The following GLIS3 variants were observed in gnomAD, a reference collection of about 807,000 sequenced individuals.
The protein encoded by GLIS3 is zinc finger protein GLIS3.
A neutral mutation model predicts 78.6 loss-of-function variants in GLIS3; 53 were observed. That is an observed-to-expected ratio of 0.67 (90% CI 0.54 to 0.85). The LOEUF (loss-of-function observed/expected upper bound fraction) is 0.85, where lower values mean the gene tolerates loss of function less well. Among genes scored for constraint, GLIS3 ranks in the 40% least tolerant of loss-of-function variants. The pLI, the probability that GLIS3 is intolerant of heterozygous loss-of-function variation, is 0.00. For missense variants in GLIS3, 1,703 were observed against 1,231.1 expected (o/e 1.38, Z -5.74); for synonymous variants, 684 against 509.9 (o/e 1.34, Z -4.60).
intron 2 of GLIS3, among the ~76,000 whole-genome samples, chr9:4,212,493 C>T (rs1409099433): frequency 1.3e-5 from 2 of 152,136 alleles, no homozygotes; most frequent in Non-Finnish European, 2.9e-5. Flanking sequence ...GGGTTACAGA[C>T]ACATAAGCAG....
the GLIS3 span, among the ~76,000 whole-genome samples, chr9:4,387,168 A>G: frequency 1.3e-5 from 2 of 152,224 alleles, no homozygotes; most frequent in Admixed American, 6.5e-5. Flanking sequence ...GCAGCAGGAA[A>G]AAAACAAAAC....
the GLIS3 span, among the ~76,000 whole-genome samples, chr9:4,424,861 A>AT: frequency 0.013 from 1,850 of 140,344 alleles, 32 homozygotes; most frequent in African/African-American, 0.042. Flanking sequence ...TGCCCAGCCC[A>AT]TTTTTTTTTT....
chr9:4,136,627 A>G (rs936496703), intron 2 of GLIS3, among the ~76,000 whole-genome samples: 1 of 152,222 alleles, frequency 6.6e-6, no homozygotes, highest in African/African-American at 2.4e-5. Context: ...AGAAAAGAAT[A>G]AGCTAAAACA....
chr9:4,063,716 C>T (rs916648535), intron 4 of GLIS3, among the ~76,000 whole-genome samples: 1 of 152,060 alleles, frequency 6.6e-6, no homozygotes, highest in African/African-American at 2.4e-5. Context: ...AAAGGATTAC[C>T]TAGAACATCT....
the GLIS3 span, among the ~76,000 whole-genome samples, chr9:4,403,937 T>C: frequency 6.6e-6 from 1 of 152,080 alleles, no homozygotes; most frequent in Admixed American, 6.6e-5. Flanking sequence ...AGTGACTGAA[T>C]GGATGAGAAA....
intron 2 of GLIS3, among the ~76,000 whole-genome samples, chr9:4,224,721 G>A (rs200769065): frequency 5.6e-5 from 8 of 141,906 alleles, no homozygotes; most frequent in East Asian, 4.1e-4. Context: ...ATCTTTTTCT[G>A]TTTTTTTTTT....
intron 9 of GLIS3, among the ~76,000 whole-genome samples, chr9:3,829,836 C>T (rs1817946080): frequency 6.6e-6 from 1 of 152,168 alleles, no homozygotes; most frequent in Non-Finnish European, 1.5e-5. Flanking sequence ...CTCCCGTCGG[C>T]ATTTAAATGC....
At chr9:4,416,377 G>C in the GLIS3 span, among the ~76,000 whole-genome samples, 4 of 150,586 alleles carry the variant, frequency 2.7e-5, no homozygotes, top group Non-Finnish European at 5.9e-5. Flanking sequence ...CTTACTGTTG[G>C]TTATAAATGT....
intron 4 of GLIS3, among the ~76,000 whole-genome samples, chr9:4,066,758 T>G (rs1248210309): frequency 6.6e-6 from 1 of 152,208 alleles, no homozygotes; most frequent in African/African-American, 2.4e-5. Flanking sequence ...CACTGCAAGG[T>G]GAAGTGGAAG....
chr9:3,917,838 A>C (rs1438545820), intron 6 of GLIS3, among the ~76,000 whole-genome samples: 6 of 152,158 alleles, frequency 3.9e-5, no homozygotes, highest in Admixed American at 1.3e-4. Context: ...ACCCACATTG[A>C]CATATAATGG....
the GLIS3 span, among the ~76,000 whole-genome samples, chr9:4,471,083 C>A: frequency 2.6e-5 from 4 of 152,056 alleles, no homozygotes; most frequent in African/African-American, 9.7e-5. Flanking sequence ...GAACTACAAA[C>A]CACTGCTCAA....
chr9:3,865,990 G>A (rs1011313845), intron 8 of GLIS3, among the ~76,000 whole-genome samples: 6 of 152,208 alleles, frequency 3.9e-5, no homozygotes, highest in Non-Finnish European at 5.9e-5. Flanking sequence ...AGAAACTGAC[G>A]TCAGTGTCTC....
chr9:4,360,844 T>C, the GLIS3 span, among the ~76,000 whole-genome samples: 3 of 152,180 alleles, frequency 2.0e-5, no homozygotes, highest in African/African-American at 7.2e-5. Flanking sequence ...GCCATGTGCA[T>C]TTGGGAATGA....
At chr9:4,142,497 T>A (rs1201873798) in intron 2 of GLIS3, among the ~76,000 whole-genome samples, 2 of 152,176 alleles carry the variant, frequency 1.3e-5, no homozygotes, top group East Asian at 3.8e-4. Context: ...TCCAGGTGAA[T>A]CAAATTATAA....
At chr9:4,254,852 A>G (rs1212383896) in intron 2 of GLIS3, among the ~76,000 whole-genome samples, 1 of 152,018 alleles carries the variant, frequency 6.6e-6, no homozygotes, top group Non-Finnish European at 1.5e-5. Flanking sequence ...AAAAAAAAAA[A>G]AAAGAAAAAA....
intron 6 of GLIS3, among the ~76,000 whole-genome samples, chr9:3,920,947 A>G (rs1191273501): frequency 2.6e-5 from 4 of 152,082 alleles, no homozygotes; most frequent in Non-Finnish European, 5.9e-5. Flanking sequence ...AAGCTCAGTG[A>G]TGTCCTTAGA....
At chr9:4,338,304 T>A (rs932426251) in intron 2 of GLIS3, among the ~76,000 whole-genome samples, 1 of 151,958 alleles carries the variant, frequency 6.6e-6, no homozygotes, top group Admixed American at 6.6e-5. Flanking sequence ...TGAATGAGAC[T>A]TTCTGGTAAC....
chr9:4,230,575 A>C (rs1296148113), intron 2 of GLIS3, among the ~76,000 whole-genome samples: 2 of 152,174 alleles, frequency 1.3e-5, no homozygotes, highest in Non-Finnish European at 2.9e-5. Flanking sequence ...CAGGAAAAGA[A>C]TTGAGTCAGG....
intron 4 of GLIS3, among the ~76,000 whole-genome samples, chr9:4,016,529 AT>A (rs1257922671): frequency 6.6e-6 from 1 of 152,228 alleles, no homozygotes; most frequent in Non-Finnish European, 1.5e-5. Flanking sequence ...ATTTCAGAAG[AT>A]TTCATGTGAG....
Sources: allele counts gnomAD v4.1 joint callset (sites outside exome capture counted in the v4.1 genomes callset), GRCh38; gene constraint gnomAD v4.1.1; transcripts MANE v1.5; gene names NCBI Gene and HGNC (gene_info 2026-07-23, HGNC 2026-07-21).